The following OR1L8 variants were observed in gnomAD, a reference collection of about 807,000 sequenced individuals.
The protein encoded by OR1L8 is olfactory receptor family 1 subfamily L member 8.
For missense variants in OR1L8, 330 were observed against 377.4 expected (o/e 0.87, Z 1.04); for synonymous variants, 148 against 147.0 (o/e 1.01, Z -0.05).
In OR1L8 at chr9:122,567,677, G is replaced by A. The variant is rs770613922; in HGVS notation, c.801C>T (p.Tyr267=). 17 of 1,614,004 alleles carry A rather than the reference G, an allele frequency of 1.1e-5. No homozygotes were observed. The highest frequency in any genetic ancestry group is 1.6e-4 in the Middle Eastern group (1 of 6,084). ...TTGTTGCCACGTGGTCCTTGACAGC[G>A]TAGGTGGATGGGGGCTGTAAATAGA... The part of the protein sequence containing the change: ...FCVYLQPPST[Y]AVKDHVATIV... The change falls in exon 5 of 5, where the codon TAC becomes TAT. Residue 267 remains tyrosine (Y), a synonymous_variant. Transcript: ENST00000641027.
At chr9:122,553,987 T>C in the OR1L8 span, 85 of 1,613,664 alleles carry the variant, frequency 5.3e-5, no homozygotes, top group Admixed American at 5.0e-5. Context: ...GGGTCTCTTA[T>C]GGGTGTGTAT....
At chr9:122,550,402 AG>A in the OR1L8 span, among the ~76,000 whole-genome samples, 1 of 152,170 alleles carries the variant, frequency 6.6e-6, no homozygotes, top group Non-Finnish European at 1.5e-5. Context: ...CATTCTACAA[AG>A]CAGGTATCAC....
At chr9:122,554,746 GAATT>G in the OR1L8 span, among the ~76,000 whole-genome samples, 1 of 152,074 alleles carries the variant, frequency 6.6e-6, no homozygotes, top group African/African-American at 2.4e-5. Context: ...AGGAGAAAAA[GAATT>G]AATATATGTT....
At chr9:122,562,757 GA>G (rs1829373227), downstream of OR1L8, among the ~76,000 whole-genome samples, 1 of 152,166 alleles carries the variant, frequency 6.6e-6, no homozygotes. Context: ...AAATAAGTGA[GA>G]ATATGGGTAT....
At chr9:122,576,687 C>T (rs916624344) in intron 3 of OR1L8, 79 bp downstream of exon 3, 1 of 152,140 alleles carries the variant, frequency 6.6e-6, no homozygotes, top group African/African-American at 2.4e-5. Context: ...ATGACTGGTT[C>T]CCCCTAGAGA....
rs1432144081 is a variant in OR1L8, at chr9:122,578,355, A to AG, written c.-510dup. 1 of 151,814 alleles carries AG rather than the reference A, an allele frequency of 6.6e-6. No individual in the cohort carries two copies. The highest frequency in any genetic ancestry group is 2.4e-5 in the African/African-American group (1 of 41,274). 9.4% of individuals were successfully genotyped at this position (151,814 alleles called of 1,614,324 possible). On this transcript the variant is annotated 5_prime_UTR_variant, in exon 2 of 5. It introduces an in-frame stop codon into an upstream open reading frame of the 5' UTR. Coordinates refer to ENST00000641027, the MANE Select transcript of OR1L8 (RefSeq NM_001004454.2). The stretch of plus-strand genomic sequence containing the variant: ...TCCCAGATACTCGGGAGGCTGAGGC[A>AG]GGAGAATAGCTTGAACCTGGGAGGC...
chr9:122,563,466 T>A (rs1391383992), downstream of OR1L8, among the ~76,000 whole-genome samples: 1 of 152,220 alleles, frequency 6.6e-6, no homozygotes, highest in Non-Finnish European at 1.5e-5. Flanking sequence ...ATTTGTTTTT[T>A]TGTTGTTATC....
chr9:122,548,325 A>G, the OR1L8 span, among the ~76,000 whole-genome samples: 3 of 152,168 alleles, frequency 2.0e-5, no homozygotes, highest in Non-Finnish European at 4.4e-5. Context: ...TTCTTTATAT[A>G]CATTTCCCTT....
chr9:122,554,774 C>T, the OR1L8 span, among the ~76,000 whole-genome samples: 1 of 151,186 alleles, frequency 6.6e-6, no homozygotes, highest in South Asian at 2.1e-4. Flanking sequence ...GTATTCCTTA[C>T]TATTTCATTT....
intron 4 of OR1L8, among the ~76,000 whole-genome samples, chr9:122,572,462 G>A (rs1357987053): frequency 2.0e-5 from 3 of 152,064 alleles, no homozygotes; most frequent in Non-Finnish European, 1.5e-5. Context: ...TGCTTATCAC[G>A]GGGAAAAAGG....
At chr9:122,580,551 C>T (rs1829727157) in intron 1 of OR1L8, among the ~76,000 whole-genome samples, 2 of 152,168 alleles carry the variant, frequency 1.3e-5, no homozygotes, top group South Asian at 4.1e-4. Context: ...GCATATGACT[C>T]ATGCTGAAGA....
chr9:122,554,587 T>A, the OR1L8 span, among the ~76,000 whole-genome samples: 2 of 152,182 alleles, frequency 1.3e-5, no homozygotes, highest in Non-Finnish European at 2.9e-5. Context: ...TTACTTTAGG[T>A]AGAATTGTGA....
At chr9:122,563,445 T>TA (rs1829383227), downstream of OR1L8, among the ~76,000 whole-genome samples, 1 of 152,044 alleles carries the variant, frequency 6.6e-6, no homozygotes, top group African/African-American at 2.4e-5. Flanking sequence ...TCTCCATTTT[T>TA]AAAATCATTT....
chr9:122,578,577 A>G (rs1588220179), intron 1 of OR1L8, 132 bp from the exon 2 acceptor site: 1 of 152,298 alleles, frequency 6.6e-6, no homozygotes, highest in East Asian at 1.9e-4. Context: ...GTGAGTGGAT[A>G]AAGAAATCGT....
At chr9:122,560,991 A>G in the OR1L8 span, among the ~76,000 whole-genome samples, 3 of 152,124 alleles carry the variant, frequency 2.0e-5, no homozygotes, top group African/African-American at 7.2e-5. Context: ...GCCTTTTTAC[A>G]TAGTCCCATA....
Position 122,567,719 on chromosome 9 carries a change from A to G in OR1L8, c.759T>C (p.Tyr253=). The G allele has an allele frequency of 6.2e-7, 1 of 1,614,120 alleles. No individual in the cohort carries two copies. Among genetic ancestry groups the G allele is most frequent in the African/African-American group, 1.3e-5 (1 of 75,040 alleles). ...GTAAATAGACACAGAAGATGCTTCC[A>G]TAAAAGAGCGTCACCACGGTGAGGT... is the stretch of plus-strand genomic sequence containing the variant. ...GFYLTVVTLF[Y]GSIFCVYLQP... The change falls in exon 5 of 5, where the codon TAT becomes TAC. Residue 253 remains tyrosine, a synonymous_variant. Transcript: ENST00000641027.
At chr9:122,564,908 C>G (rs1161609566), downstream of OR1L8, among the ~76,000 whole-genome samples, 1 of 152,176 alleles carries the variant, frequency 6.6e-6, no homozygotes, top group Non-Finnish European at 1.5e-5. Flanking sequence ...CTTGTCCTTC[C>G]ACAAGATGCC....
At chr9:122,579,696 T>TAAAATG (rs1829714918) in intron 1 of OR1L8, among the ~76,000 whole-genome samples, 1 of 152,218 alleles carries the variant, frequency 6.6e-6, no homozygotes, top group African/African-American at 2.4e-5. Context: ...GGTGTCATAA[T>TAAAATG]TATTTCAGGA....
At chr9:122,565,492 C>G (rs1433804979), downstream of OR1L8, among the ~76,000 whole-genome samples, 1 of 152,146 alleles carries the variant, frequency 6.6e-6, no homozygotes, top group Non-Finnish European at 1.5e-5. Context: ...GCATGTACTC[C>G]CACTAACCAG....
Sources: allele counts gnomAD v4.1 joint callset (sites outside exome capture counted in the v4.1 genomes callset), GRCh38; gene constraint gnomAD v4.1.1; transcripts MANE v1.5; gene names NCBI Gene and HGNC (gene_info 2026-07-23, HGNC 2026-07-21).